Variants in NDST3 observed in about 807,000 individuals in gnomAD.
NDST3 encodes the protein bifunctional heparan sulfate N-deacetylase/N-sulfotransferase 3.
In NDST3, 58 loss-of-function variants were observed where a neutral mutation model predicts 96.1. The observed-to-expected ratio is 0.60, with a 90% CI of 0.49 to 0.75. The LOEUF (loss-of-function observed/expected upper bound fraction) is 0.75. NDST3 is among the 30% of genes least tolerant of loss of function. The pLI, the probability that NDST3 is intolerant of heterozygous loss-of-function variation, is 0.00. For missense variants in NDST3, 788 were observed against 1,034.2 expected (o/e 0.76, Z 3.27); for synonymous variants, 333 against 359.7 (o/e 0.93, Z 0.84).
chr4:118,126,949 G>T (rs1279144453), intron 4 of NDST3, among the ~76,000 whole-genome samples: 2 of 152,016 alleles, frequency 1.3e-5, no homozygotes, highest in East Asian at 3.9e-4. Context: ...GATCAGTGAT[G>T]TTGAGCACCT....
intron 2 of NDST3, among the ~76,000 whole-genome samples, chr4:118,058,293 A>G (rs2110459107): frequency 6.6e-6 from 1 of 152,020 alleles, no homozygotes; most frequent in East Asian, 1.9e-4. Flanking sequence ...ATTTAATGGG[A>G]AGATTTGAAT....
chr4:118,217,091 TGAGA>T (rs1739238026), intron 6 of NDST3, among the ~76,000 whole-genome samples: 1 of 152,072 alleles, frequency 6.6e-6, no homozygotes, highest in African/African-American at 2.4e-5. Flanking sequence ...GCATTTGCCT[TGAGA>T]GATATGAAAC....
chr4:118,215,009 T>C (rs1404853916), intron 6 of NDST3, among the ~76,000 whole-genome samples: 3 of 152,160 alleles, frequency 2.0e-5, no homozygotes, highest in African/African-American at 7.2e-5. Flanking sequence ...CCTGCTCTCC[T>C]GGAGCTTACT....
intron 4 of NDST3, among the ~76,000 whole-genome samples, chr4:118,127,660 G>T (rs771354125): frequency 1.1e-4 from 17 of 151,890 alleles, no homozygotes; most frequent in Non-Finnish European, 2.1e-4. Flanking sequence ...GTTCAGGATA[G>T]CTTTGGCTAT....
chr4:118,060,173 A>T (rs916661410), intron 2 of NDST3, among the ~76,000 whole-genome samples: 5 of 152,074 alleles, frequency 3.3e-5, no homozygotes, highest in African/African-American at 1.2e-4. Context: ...CAAAAGAGTT[A>T]TGTTTAATTT....
intron 4 of NDST3, among the ~76,000 whole-genome samples, chr4:118,130,689 T>C (rs1212814788): frequency 6.6e-6 from 1 of 152,190 alleles, no homozygotes; most frequent in Non-Finnish European, 1.5e-5. Flanking sequence ...CAATTTCTTC[T>C]TGCTCATTAA....
At chr4:118,200,545 C>T (rs1197699622) in intron 6 of NDST3, among the ~76,000 whole-genome samples, 1 of 152,184 alleles carries the variant, frequency 6.6e-6, no homozygotes, top group Non-Finnish European at 1.5e-5. Flanking sequence ...TTCTACCCAG[C>T]TGTAGGGCCT....
chr4:118,199,350 T>C (rs886951825), intron 6 of NDST3, among the ~76,000 whole-genome samples: 4 of 152,180 alleles, frequency 2.6e-5, no homozygotes, highest in Admixed American at 2.0e-4. Context: ...ACGAGTCTGA[T>C]GATTTCTTCA....
At chr4:118,237,356 C>T (rs1740708148) in intron 10 of NDST3, 136 bp downstream of exon 10, 1 of 641,316 alleles carries the variant, frequency 1.6e-6, no homozygotes, top group African/African-American at 1.9e-5. Context: ...GAAAAATGGA[C>T]AAGTTTTTCT....
intron 6 of NDST3, among the ~76,000 whole-genome samples, chr4:118,212,366 C>A (rs1459128855): frequency 6.6e-6 from 1 of 151,986 alleles, no homozygotes; most frequent in Non-Finnish European, 1.5e-5. Flanking sequence ...TGGCGAAACC[C>A]CATTTCTACA....
At chr4:118,220,350 G>A (rs1043616732) in intron 6 of NDST3, among the ~76,000 whole-genome samples, 4 of 151,856 alleles carry the variant, frequency 2.6e-5, no homozygotes, top group Non-Finnish European at 4.4e-5. Context: ...ACTAACACAG[G>A]AAGAGAAAAC....
In NDST3 at chr4:118,145,419, G is replaced by A. The variant is rs1035518982; in HGVS notation, c.1539+1735G>A. Reference sequence around the variant, plus strand: ...AAGTTCACAGTAGGATTTTATCTCCGAATTTCTAAACCAAATGAGTTTCAT... The same window carrying A: ...AAGTTCACAGTAGGATTTTATCTCCAAATTTCTAAACCAAATGAGTTTCAT... On this transcript the variant is annotated intron_variant, in intron 6 of 13. Transcript: ENST00000296499. Among the ~76,000 whole-genome samples the A allele has an allele frequency of 9.2e-5, 14 of 152,200 alleles. 1 individual carries two copies. Among genetic ancestry groups the A allele is most frequent in the South Asian group, 6.2e-4 (3 of 4,822 alleles).
rs143342571 is a variant in NDST3 at position 118,224,574 on chromosome 4, G to A, written c.1623G>A (p.Val541=). The A allele has an allele frequency of 8.1e-6, 13 of 1,613,224 alleles. No homozygotes were observed. The highest frequency in any genetic ancestry group is 1.1e-5 in the Non-Finnish European group (13 of 1,179,466). Reference sequence around the variant, plus strand: ...CATTTGTTAATCTGGCCAACTTTGTGAAGAGCTGGACCAACCTGCGACTTC... The same window carrying A: ...CATTTGTTAATCTGGCCAACTTTGTAAAGAGCTGGACCAACCTGCGACTTC... ...LYTFVNLANF[V]KSWTNLRLQT... The change falls in exon 7 of 14, where the codon GTG becomes GTA. Residue 541 remains valine, a synonymous_variant. Coordinates refer to ENST00000296499, the MANE Select transcript of NDST3 (RefSeq NM_004784.3).
At chr4:118,131,559 G>C (rs1732617368) in intron 4 of NDST3, among the ~76,000 whole-genome samples, 2 of 152,050 alleles carry the variant, frequency 1.3e-5, no homozygotes, top group South Asian at 4.2e-4. Context: ...TTCTCTGTCT[G>C]AAAGGTCACA....
At chr4:118,091,814 T>C (rs1728890163) in intron 2 of NDST3, among the ~76,000 whole-genome samples, 1 of 151,872 alleles carries the variant, frequency 6.6e-6, no homozygotes, top group African/African-American at 2.4e-5. Flanking sequence ...GTATTTTTTA[T>C]ATTTGTATTA....
chr4:118,228,742 C>A (rs974407638), intron 8 of NDST3, among the ~76,000 whole-genome samples: 1 of 151,958 alleles, frequency 6.6e-6, no homozygotes. Context: ...TGCAGTCTAT[C>A]CCCCCCGATC....
At chr4:118,040,867 T>TA (rs1491504425) in intron 1 of NDST3, among the ~76,000 whole-genome samples, 16 of 42,658 alleles carry the variant, frequency 3.8e-4, no homozygotes, top group African/African-American at 4.5e-4. Flanking sequence ...TTATATATTT[T>TA]TATATATATA....
At chr4:118,116,306 C>T (rs1006721871) in intron 4 of NDST3, among the ~76,000 whole-genome samples, 10 of 152,182 alleles carry the variant, frequency 6.6e-5, no homozygotes, top group East Asian at 3.9e-4. Context: ...GACGAAAATA[C>T]GTAAATACAC....
At chr4:118,120,610 T>C (rs1222173031) in intron 4 of NDST3, among the ~76,000 whole-genome samples, 1 of 152,148 alleles carries the variant, frequency 6.6e-6, no homozygotes, top group Non-Finnish European at 1.5e-5. Flanking sequence ...TGGTGTTTGC[T>C]ATCTCTTGGA....
Sources: gnomAD v4.1 joint callset for allele counts (sites outside exome capture counted in the v4.1 genomes callset) on GRCh38, gnomAD v4.1.1 for gene constraint, MANE v1.5 for transcripts, NCBI Gene and HGNC (gene_info 2026-07-23, HGNC 2026-07-21) for gene names.